The following DNAH7 variants were observed in gnomAD, a reference collection of about 807,000 sequenced individuals.
DNAH7 encodes dynein axonemal heavy chain 7, also known as axonemal beta dynein heavy chain 7.
A neutral mutation model predicts 444.6 loss-of-function variants in DNAH7; 397 were observed. The ratio of observed to expected loss-of-function variants is 0.89; its 90% CI spans 0.82 to 0.97. The LOEUF is 0.97. Among genes scored for constraint, DNAH7 ranks in the 50% least tolerant of loss-of-function variants. DNAH7 has a pLI of 0.00. For missense variants in DNAH7, 4,902 were observed against 4,800.8 expected, an observed-to-expected ratio of 1.02 and a Z score of -0.62; for synonymous variants, 1,636 against 1,624.4, an observed-to-expected ratio of 1.01 and a Z score of -0.17.
intron 54 of DNAH7, among the ~76,000 whole-genome samples, chr2:195,806,288 AT>A (rs1286512010): frequency 2.0e-5 from 3 of 152,170 alleles, no homozygotes; most frequent in Non-Finnish European, 4.4e-5. Flanking sequence ...CAATATTGAC[AT>A]TTTCCTTTGT....
At chr2:195,783,969 GA>G (rs1428447918) in intron 58 of DNAH7, among the ~76,000 whole-genome samples, 1 of 151,838 alleles carries the variant, frequency 6.6e-6, no homozygotes, top group Non-Finnish European at 1.5e-5. Flanking sequence ...CAACAAAACG[GA>G]ACAAAAGGTA....
At chr2:195,967,731 T>G (rs923662391) in intron 17 of DNAH7, among the ~76,000 whole-genome samples, 1 of 152,214 alleles carries the variant, frequency 6.6e-6, no homozygotes, top group South Asian at 2.1e-4. Context: ...GGAGCTCCAT[T>G]GTGTGCTATT....
intron 30 of DNAH7, among the ~76,000 whole-genome samples, chr2:195,892,267 A>T (rs1702054100): frequency 6.6e-6 from 1 of 152,190 alleles, no homozygotes; most frequent in Admixed American, 6.5e-5. Flanking sequence ...TTACGAAAAA[A>T]GGCTTGGGGC....
At chr2:196,028,904 T>G (rs984517051) in intron 5 of DNAH7, among the ~76,000 whole-genome samples, 1 of 152,206 alleles carries the variant, frequency 6.6e-6, no homozygotes, top group East Asian at 1.9e-4. Context: ...TTCTAACTTA[T>G]TTATCTTTTG....
chr2:195,887,259 C>A (rs1233408678), intron 33 of DNAH7, among the ~76,000 whole-genome samples: 1 of 151,948 alleles, frequency 6.6e-6, no homozygotes, highest in Non-Finnish European at 1.5e-5. Context: ...TCTGACAATG[C>A]TGGAAAAAAA....
At chr2:195,821,927 T>C (rs1329426799) in intron 49 of DNAH7, among the ~76,000 whole-genome samples, 1 of 152,202 alleles carries the variant, frequency 6.6e-6, no homozygotes, top group Admixed American at 6.5e-5. Flanking sequence ...AAACAGCTTC[T>C]TGCAAAACCC....
chr2:195,777,940 A>C lies in DNAH7; in HGVS notation c.10924T>G (p.Tyr3642Asp), dbSNP rs775398016. 6.8e-6 allele frequency: 11 copies of C among 1,614,064 alleles called. No individual in the cohort carries two copies. The South Asian group carries it at 1.2e-4, about 18-fold the overall frequency. ...ALRYMTGECN[Y>D]GGRVTDDWDR... Reference sequence around the variant, plus strand: ...CAGTCATCGGTCACTCTGCCTCCGTAATTGCATTCGCCAGTCATGTACCGC... The same window carrying C: ...CAGTCATCGGTCACTCTGCCTCCGTCATTGCATTCGCCAGTCATGTACCGC... Residue 3642 changes from tyrosine (Y) to aspartate (D), a missense_variant, in exon 59 of 65, where the codon TAC (tyrosine) becomes GAC (aspartate). Coordinates refer to ENST00000312428, the MANE Select transcript of DNAH7 (RefSeq NM_018897.3).
At chr2:196,035,027 C>T (rs890131763) in intron 5 of DNAH7, among the ~76,000 whole-genome samples, 2 of 152,018 alleles carry the variant, frequency 1.3e-5, no homozygotes, top group Non-Finnish European at 2.9e-5. Flanking sequence ...ACTAAAAATA[C>T]AAAAATTAGC....
At chr2:195,848,713 ATTAGCTGGGTTTCACATG>A in intron 46 of DNAH7, among the ~76,000 whole-genome samples, 1 of 152,260 alleles carries the variant, frequency 6.6e-6, no homozygotes, top group East Asian at 1.9e-4. Flanking sequence ...ATGGGATGGA[ATTAGCTGGGTTTCACATG>A]TTTCCTGGGG....
chr2:195,750,854 TC>T (rs1693757797), intron 63 of DNAH7, among the ~76,000 whole-genome samples: 1 of 152,202 alleles, frequency 6.6e-6, no homozygotes, highest in Non-Finnish European at 1.5e-5. Flanking sequence ...ATTTAGACAT[TC>T]CTTTCCTCCA....
chr2:195,799,506 T>C, intron 54 of DNAH7, 34 bp from the exon 55 acceptor site: 1 of 1,494,392 alleles, frequency 6.7e-7, no homozygotes, highest in Non-Finnish European at 8.9e-7. Flanking sequence ...TGGAAGAATA[T>C]TCAAAATCTG....
chr2:196,019,414 TAACAA>T (rs1695233723), intron 8 of DNAH7, 119 bp from the exon 9 acceptor site: 1 of 710,038 alleles, frequency 1.4e-6, no homozygotes, highest in African/African-American at 1.9e-5. Flanking sequence ...CTCATCATAA[TAACAA>T]AACAAGCAAT....
At chr2:195,776,539 G>A (rs1695072171) in intron 59 of DNAH7, among the ~76,000 whole-genome samples, 1 of 152,000 alleles carries the variant, frequency 6.6e-6, no homozygotes, top group Non-Finnish European at 1.5e-5. Flanking sequence ...GGGGGGAGGG[G>A]AATCCTGGTA....
chr2:195,777,873 T>C lies in DNAH7; in HGVS notation c.10991A>G (p.Asn3664Ser), dbSNP rs201393379. Reference protein sequence around the residue: ...TLRSILNKFFNPELVENSDYK... With the variant: ...TLRSILNKFFSPELVENSDYK... ...GTCTGAATTTTCAACTAATTCGGGA[T>C]TGAAGAATTTGTTTAGAATGCTGCG... is the stretch of plus-strand genomic sequence containing the variant. Residue 3664 changes from asparagine (N) to serine (S), a missense_variant, in exon 59 of 65, where the codon AAT (asparagine) becomes AGT (serine). Coordinates refer to ENST00000312428, the MANE Select transcript of DNAH7 (RefSeq NM_018897.3). 1.8e-4 allele frequency: 288 copies of C among 1,614,048 alleles called. No homozygotes were observed. The highest frequency in any genetic ancestry group is 2.1e-4 in the Non-Finnish European group (243 of 1,180,004).
intron 12 of DNAH7, among the ~76,000 whole-genome samples, chr2:195,993,508 G>T (rs1693486823): frequency 6.6e-6 from 1 of 152,172 alleles, no homozygotes; most frequent in Non-Finnish European, 1.5e-5. Context: ...ACATGTGGGG[G>T]ATAGGGGAGT....
chr2:195,884,819 A>T lies in DNAH7; in HGVS notation c.5539-10T>A. 1 of 1,599,550 alleles carries T rather than the reference A, an allele frequency of 6.3e-7. No individual in the cohort carries two copies. Among genetic ancestry groups the T allele is most frequent in the Admixed American group, 1.7e-5 (1 of 59,578 alleles). On this transcript the variant is annotated splice_polypyrimidine_tract_variant and intron_variant, in intron 34 of 64. Coordinates refer to ENST00000312428, the MANE Select transcript of DNAH7 (RefSeq NM_018897.3). ...AAAACAGAAAAATGCCCTGCATTGGACAGATGAGAAGATTAAGAACAATTA... is the reference window on the plus strand; with the variant it reads ...AAAACAGAAAAATGCCCTGCATTGGTCAGATGAGAAGATTAAGAACAATTA...
At chr2:196,043,551 A>G (rs1696909184) in intron 5 of DNAH7, among the ~76,000 whole-genome samples, 1 of 152,198 alleles carries the variant, frequency 6.6e-6, no homozygotes, top group Admixed American at 6.6e-5. Flanking sequence ...ACAGAAACAA[A>G]GATAAATAGA....
At chr2:195,887,412 C>A (rs1351677333) in intron 33 of DNAH7, among the ~76,000 whole-genome samples, 1 of 151,918 alleles carries the variant, frequency 6.6e-6, no homozygotes, top group African/African-American at 2.4e-5. Flanking sequence ...AGACACATCA[C>A]TTCCTTCAGA....
chr2:195,872,756 C>A (rs951206130), intron 39 of DNAH7, among the ~76,000 whole-genome samples: 2 of 152,006 alleles, frequency 1.3e-5, no homozygotes, highest in Non-Finnish European at 2.9e-5. Context: ...AAGAGACAGC[C>A]AAGGAACCCA....
Sources: allele counts gnomAD v4.1 joint callset (sites outside exome capture counted in the v4.1 genomes callset), GRCh38; gene constraint gnomAD v4.1.1; transcripts MANE v1.5; gene names NCBI Gene and HGNC (gene_info 2026-07-23, HGNC 2026-07-21).